Variants in TFEC observed in about 807,000 individuals in gnomAD.
TFEC encodes the protein transcription factor EC.
In TFEC, 31 loss-of-function variants were observed where a neutral mutation model predicts 41.6. That is an observed-to-expected ratio of 0.74 (90% CI 0.56 to 1.01). The LOEUF (loss-of-function observed/expected upper bound fraction) is 1.01, where lower values mean the gene tolerates loss of function less well. Among genes scored for constraint, TFEC ranks in the 50% least tolerant of loss-of-function variants. The pLI, the probability that TFEC is intolerant of heterozygous loss-of-function variation, is 0.00. For synonymous variants in TFEC, 143 were observed against 140.6 expected (o/e 1.02, Z -0.12); for missense variants, 402 against 404.1 (o/e 0.99, Z 0.04).
At chr7:116,030,607 A>G in intron 1 of TFEC, 26 bp downstream of exon 1, 2 of 985,268 alleles carry the variant, frequency 2.0e-6, no homozygotes, top group Non-Finnish European at 2.4e-6. Flanking sequence ...AGTACAGAAA[A>G]TTAACCTGCC....
At chr7:115,968,866 T>G (rs1792997746) in intron 3 of TFEC, among the ~76,000 whole-genome samples, 1 of 151,910 alleles carries the variant, frequency 6.6e-6, no homozygotes, top group Non-Finnish European at 1.5e-5. Flanking sequence ...CTCTCTAAGC[T>G]TCTTTCCTCA....
At chr7:116,079,234 G>GA (rs1797032368) in intron 3 of TFEC, among the ~76,000 whole-genome samples, 1 of 152,110 alleles carries the variant, frequency 6.6e-6, no homozygotes, top group East Asian at 1.9e-4. Flanking sequence ...TACTGAATGG[G>GA]AAAAAATGAA....
chr7:116,127,268 TGTATTTTTA>T (rs1311079555), intron 1 of TFEC, among the ~76,000 whole-genome samples: 1 of 152,076 alleles, frequency 6.6e-6, no homozygotes, highest in African/African-American at 2.4e-5. Context: ...GCTAATTTTT[TGTATTTTTA>T]GTAGAGACGG....
intron 1 of TFEC, among the ~76,000 whole-genome samples, chr7:116,153,289 T>C (rs201672378): frequency 6.6e-6 from 1 of 152,168 alleles, no homozygotes; most frequent in East Asian, 1.9e-4. Flanking sequence ...AGAGTCTCGT[T>C]CTGTTGCCCA....
chr7:115,986,898 T>TA (rs1163413089), intron 1 of TFEC, among the ~76,000 whole-genome samples: 19 of 139,136 alleles, frequency 1.4e-4, no homozygotes, highest in African/African-American at 4.9e-4. Flanking sequence ...CCCTAGAACT[T>TA]AAAGTATAAT....
intron 1 of TFEC, among the ~76,000 whole-genome samples, chr7:116,006,746 A>C (rs1352801373): frequency 6.6e-6 from 1 of 152,160 alleles, no homozygotes; most frequent in African/African-American, 2.4e-5. Context: ...TGGGGGCAGA[A>C]TGATATGATT....
At chr7:116,057,743 G>A (rs1010922802) in intron 3 of TFEC, among the ~76,000 whole-genome samples, 2 of 150,526 alleles carry the variant, frequency 1.3e-5, no homozygotes, top group East Asian at 3.8e-4. Context: ...CGAAAAAATA[G>A]CAGAAACTGG....
intron 3 of TFEC, among the ~76,000 whole-genome samples, chr7:116,071,157 T>C (rs1796818603): frequency 6.6e-6 from 1 of 151,362 alleles, no homozygotes; most frequent in African/African-American, 2.4e-5. Flanking sequence ...CCAACATTTT[T>C]GCTATATTTA....
intron 1 of TFEC, among the ~76,000 whole-genome samples, chr7:116,116,927 T>A (rs1194925468): frequency 1.3e-5 from 2 of 151,906 alleles, no homozygotes; most frequent in African/African-American, 2.4e-5. Context: ...GAGACTTTTC[T>A]CGAAAGGAAA....
intron 3 of TFEC, among the ~76,000 whole-genome samples, chr7:116,036,204 G>A (rs911759579): frequency 2.6e-5 from 4 of 151,974 alleles, no homozygotes; most frequent in Non-Finnish European, 4.4e-5. Context: ...TTATAGTTCT[G>A]TCTTAGTTTT....
intron 3 of TFEC, among the ~76,000 whole-genome samples, chr7:116,103,417 C>T (rs930817237): frequency 2.0e-5 from 3 of 152,122 alleles, no homozygotes; most frequent in Non-Finnish European, 4.4e-5. Flanking sequence ...AAGACAATGA[C>T]TTGAACCTAA....
chr7:116,038,620 T>C (rs895159080), intron 3 of TFEC, among the ~76,000 whole-genome samples: 2 of 152,000 alleles, frequency 1.3e-5, no homozygotes, highest in Non-Finnish European at 2.9e-5. Context: ...CTAGAGAGCA[T>C]AAAAGAGATG....
At chr7:116,010,991 A>C (rs760907145) in intron 1 of TFEC, among the ~76,000 whole-genome samples, 2 of 152,176 alleles carry the variant, frequency 1.3e-5, no homozygotes, top group Non-Finnish European at 2.9e-5. Context: ...AAATCCAAAA[A>C]GCTCTGAAAA....
intron 3 of TFEC, among the ~76,000 whole-genome samples, chr7:115,963,399 T>C (rs1792671956): frequency 6.6e-6 from 1 of 151,718 alleles, no homozygotes; most frequent in African/African-American, 2.4e-5. Flanking sequence ...AAGGTAAGTA[T>C]AGAATTAACA....
chr7:115,989,475 C>T lies in TFEC; in HGVS notation c.-72-4962G>A, dbSNP rs114010032. Among the ~76,000 whole-genome samples the T allele has an allele frequency of 6.7e-3, 1,015 of 152,250 alleles. 10 individuals are homozygous for T. Among genetic ancestry groups the T allele is most frequent in the African/African-American group, 0.023 (951 of 41,562 alleles). ...GCCTCACCCGGGAAGCATAAGGGGT[C>T]GGGGAATTCTCTTTCCTAGCCAAGG... On this transcript the variant is annotated intron_variant, in intron 1 of 7. Transcript: ENST00000265440.
At chr7:116,122,107 A>G (rs938222752) in intron 1 of TFEC, among the ~76,000 whole-genome samples, 5 of 152,054 alleles carry the variant, frequency 3.3e-5, no homozygotes, top group Non-Finnish European at 7.4e-5. Context: ...TGTTGTTACA[A>G]TTGCAAGGGT....
At chr7:115,984,093 G>A (rs1793743149) in intron 2 of TFEC, among the ~76,000 whole-genome samples, 169 bp downstream of exon 2, 1 of 151,942 alleles carries the variant, frequency 6.6e-6, no homozygotes, top group South Asian at 2.1e-4. Context: ...ATTATGCATA[G>A]GAATTTATAT....
At chr7:116,076,574 T>C (rs1796965267) in intron 3 of TFEC, among the ~76,000 whole-genome samples, 1 of 151,716 alleles carries the variant, frequency 6.6e-6, no homozygotes, top group South Asian at 2.1e-4. Context: ...ATAGCATAAA[T>C]AAAAAGCTAT....
chr7:116,004,852 C>T (rs919893468), intron 1 of TFEC, among the ~76,000 whole-genome samples: 12 of 151,776 alleles, frequency 7.9e-5, no homozygotes, highest in African/African-American at 2.9e-4. Flanking sequence ...GTGTCCCCAC[C>T]CAAATCTCAT....
Sources: allele counts gnomAD v4.1 joint callset (sites outside exome capture counted in the v4.1 genomes callset), GRCh38; gene constraint gnomAD v4.1.1; transcripts MANE v1.5; gene names NCBI Gene and HGNC (gene_info 2026-07-23, HGNC 2026-07-21).